Variants in RABGAP1L observed in about 807,000 individuals in gnomAD.
RABGAP1L encodes the protein RAB GTPase activating protein 1 like.
RABGAP1L carries 63 observed loss-of-function variants against 137.7 expected under a neutral mutation model. That is an observed-to-expected ratio of 0.46 (90% CI 0.37 to 0.56). RABGAP1L has a LOEUF of 0.56. Among genes scored for constraint, RABGAP1L ranks in the 20% least tolerant of loss-of-function variants. RABGAP1L has a pLI of 0.00. For missense variants in RABGAP1L, 1,095 were observed against 1,244.0 expected (o/e 0.88, Z 1.80); for synonymous variants, 431 against 433.7 (o/e 0.99, Z 0.08).
chr1:174,450,202 A>T (rs149348426), intron 13 of RABGAP1L, among the ~76,000 whole-genome samples: 1,732 of 152,220 alleles, frequency 0.011, 17 homozygotes, highest in Middle Eastern at 0.037. Flanking sequence ...GTGAGGTATT[A>T]CTCTTAAGGG....
chr1:174,621,557 A>C lies in RABGAP1L; in HGVS notation c.1711-15818A>C, dbSNP rs193066395. ...CCCTCAGAAGTAACACGGCATATCT[A>C]AACCATCTGATCTTTGACAAACCTG... On this transcript the variant is annotated intron_variant, in intron 13 of 25. Coordinates refer to ENST00000681986, the MANE Select transcript of RABGAP1L (RefSeq NM_001366446.1). 1.5e-4 allele frequency among the ~76,000 whole-genome samples: 23 copies of C among 152,138 alleles called. No homozygotes were observed. In the East Asian group the frequency reaches 4.1e-3, roughly 27 times the overall value.
chr1:174,801,425 A>G (rs573261393), intron 18 of RABGAP1L, among the ~76,000 whole-genome samples: 238 of 152,218 alleles, frequency 1.6e-3, no homozygotes, highest in African/African-American at 5.3e-3. Flanking sequence ...ATTCATCTCT[A>G]TTTATACTTA....
chr1:174,987,220 G>A (rs1671665783), intron 24 of RABGAP1L, among the ~76,000 whole-genome samples: 1 of 152,012 alleles, frequency 6.6e-6, no homozygotes, highest in African/African-American at 2.4e-5. Context: ...AGGCTGGAGT[G>A]CAGTGGCGCG....
At chr1:174,370,453 T>G (rs909618199) in intron 11 of RABGAP1L, among the ~76,000 whole-genome samples, 2 of 139,422 alleles carry the variant, frequency 1.4e-5, no homozygotes, top group African/African-American at 5.6e-5. Context: ...TTTCCTTTAG[T>G]TAAAAATACC....
rs570658607 is a variant in RABGAP1L, at chr1:174,269,924, T to C, written c.987-2490T>C. On this transcript the variant is annotated intron_variant, in intron 7 of 25. Transcript: ENST00000681986. ...TGCTTTGAACTCCCCAGTGAAACAC[T>C]GAATACTCCTATTAGGTGTTAATGT... Among the ~76,000 whole-genome samples, 587 of 152,326 alleles carry C rather than the reference T, an allele frequency of 3.9e-3. 2 individuals carry two copies. The highest frequency in any genetic ancestry group is 0.024 in the South Asian group (114 of 4,822).
chr1:174,287,607 C>A (rs1264210799), intron 10 of RABGAP1L, among the ~76,000 whole-genome samples: 1 of 152,158 alleles, frequency 6.6e-6, no homozygotes, highest in Non-Finnish European at 1.5e-5. Context: ...ATTCTCCAAC[C>A]TCAGCCCCCC....
At chr1:174,688,961 A>AC (rs1413793830) in intron 15 of RABGAP1L, among the ~76,000 whole-genome samples, 4 of 152,308 alleles carry the variant, frequency 2.6e-5, no homozygotes, top group Middle Eastern at 6.8e-3. Flanking sequence ...TAACTGTTAA[A>AC]GTTACGAAAG....
In RABGAP1L at chr1:174,530,106, C is replaced by T. The variant is rs534373781; in HGVS notation, c.1711-107269C>T. On this transcript the variant is annotated intron_variant, in intron 13 of 25. Transcript: ENST00000681986. ...GGAAGCAGTTGTGCTGCTGCCTTGA[C>T]ACTGGGAAGGGCGGGACTGCCTTCA... Among the ~76,000 whole-genome samples, 4 of 145,880 alleles carry T rather than the reference C, an allele frequency of 2.7e-5. No homozygotes were observed. The East Asian group carries it at 9.7e-4, about 35-fold the overall frequency.
intron 7 of RABGAP1L, among the ~76,000 whole-genome samples, chr1:174,262,571 T>C (rs560787474): frequency 8.5e-5 from 13 of 152,332 alleles, no homozygotes; most frequent in Non-Finnish European, 1.5e-4. Flanking sequence ...CATAGTACAG[T>C]ATCACAGCTA....
intron 3 of RABGAP1L, among the ~76,000 whole-genome samples, chr1:174,228,087 T>C (rs1288635708): frequency 6.6e-6 from 1 of 152,076 alleles, no homozygotes; most frequent in Non-Finnish European, 1.5e-5. Context: ...CTTTTGGTTC[T>C]TTTTTATGTC....
intron 11 of RABGAP1L, among the ~76,000 whole-genome samples, chr1:174,307,776 C>T (rs952907136): frequency 6.6e-6 from 1 of 152,154 alleles, no homozygotes; most frequent in Non-Finnish European, 1.5e-5. Context: ...CTGCAGTACA[C>T]ATGGGAGTGC....
At chr1:174,332,929 G>A (rs1278774282) in intron 11 of RABGAP1L, among the ~76,000 whole-genome samples, 1 of 152,174 alleles carries the variant, frequency 6.6e-6, no homozygotes, top group Non-Finnish European at 1.5e-5. Flanking sequence ...ATGTCCATCA[G>A]TGGATGAATG....
chr1:174,264,422 A>G (rs1403263444), intron 7 of RABGAP1L, among the ~76,000 whole-genome samples: 3 of 152,182 alleles, frequency 2.0e-5, no homozygotes, highest in South Asian at 2.1e-4. Flanking sequence ...AGATTAGCCC[A>G]TCCAGTCTCA....
chr1:174,240,174 C>T (rs1571726392), intron 4 of RABGAP1L, among the ~76,000 whole-genome samples: 1 of 152,118 alleles, frequency 6.6e-6, no homozygotes, highest in African/African-American at 2.4e-5. Context: ...AATTTGAGAT[C>T]TTGAAGGGGT....
At chr1:174,600,962 C>G (rs1276737218) in intron 13 of RABGAP1L, among the ~76,000 whole-genome samples, 6 of 152,240 alleles carry the variant, frequency 3.9e-5, no homozygotes, top group Non-Finnish European at 8.8e-5. Flanking sequence ...AGGGCCCCAC[C>G]CTGAAGCAAA....
At chr1:174,172,495 C>T (rs1233853251) in intron 1 of RABGAP1L, among the ~76,000 whole-genome samples, 3 of 152,120 alleles carry the variant, frequency 2.0e-5, no homozygotes, top group Non-Finnish European at 4.4e-5. Flanking sequence ...TTCCTTTTCT[C>T]CACACTTTGG....
chr1:174,432,056 C>T (rs185278981), intron 13 of RABGAP1L, among the ~76,000 whole-genome samples: 63 of 152,248 alleles, frequency 4.1e-4, no homozygotes, highest in Admixed American at 9.2e-4. Flanking sequence ...TGGTTGATCC[C>T]TTCACCCAGG....
intron 14 of RABGAP1L, among the ~76,000 whole-genome samples, chr1:174,649,233 T>C (rs970868437): frequency 6.6e-6 from 1 of 152,154 alleles, no homozygotes; most frequent in Non-Finnish European, 1.5e-5. Flanking sequence ...GTGAATTTGA[T>C]CCTGTCGTTA....
At chr1:174,798,443 G>A (rs1402740315) in intron 18 of RABGAP1L, among the ~76,000 whole-genome samples, 1 of 151,264 alleles carries the variant, frequency 6.6e-6, no homozygotes, top group Non-Finnish European at 1.5e-5. Context: ...AGAGATAAAA[G>A]GCTTGACAGC....
Sources: gnomAD v4.1 joint callset for allele counts (sites outside exome capture counted in the v4.1 genomes callset) on GRCh38, gnomAD v4.1.1 for gene constraint, MANE v1.5 for transcripts, NCBI Gene and HGNC (gene_info 2026-07-23, HGNC 2026-07-21) for gene names.